Variants in PODN observed in about 807,000 individuals in gnomAD.
The protein encoded by PODN is podocan, also known as podocan proteoglycan.
In PODN, 40 loss-of-function variants were observed where a neutral mutation model predicts 52.7. The observed-to-expected ratio is 0.76, with a 90% CI of 0.59 to 0.99. PODN has a LOEUF of 0.99. PODN is among the 50% of genes least tolerant of loss of function. PODN has a pLI of 0.00. For missense variants in PODN, 720 were observed against 815.1 expected (o/e 0.88, Z 1.42); for synonymous variants, 396 against 377.9 (o/e 1.05, Z -0.56).
Position 53,083,893 on chromosome 1 carries a change from C to T in PODN, c.*28-620C>T, listed in dbSNP as rs185796767. ...CAGGCTGGGGGTCACAGGGCCAGGA[C>T]GTAGCCGTGGGAGGGGCTGCCGGGC... On this transcript the variant is annotated intron_variant, in intron 10 of 10. Coordinates refer to ENST00000312553, the MANE Select transcript of PODN (RefSeq NM_153703.5). Among the ~76,000 whole-genome samples, 373 of 152,156 alleles carry T rather than the reference C, an allele frequency of 2.5e-3. 1 individual carries two copies. Among genetic ancestry groups the T allele is most frequent in the Middle Eastern group, 0.017 (5 of 294 alleles).
chr1:53,078,987 G>T lies in PODN; in HGVS notation c.1477G>T (p.Gly493Cys). 6.4e-7 allele frequency: 1 copy of T among 1,567,982 alleles called. No individual in the cohort carries two copies. Residue 493 changes from glycine (G) to cysteine (C), a missense_variant, in exon 8 of 11, where the codon GGC becomes TGC. Physicochemically the swap from Gly to Cys is radical, Grantham distance 159 (BLOSUM62 -3). Coordinates refer to ENST00000312553, the MANE Select transcript of PODN (RefSeq NM_153703.5). Reference protein sequence around the residue: ...TSNRLRSRALGPRAWVDLAHL... With the variant: ...TSNRLRSRALCPRAWVDLAHL... ...CAACCGACTGCGCAGCCGAGCCCTGGGCCCCCGTGCCTGGGTGGACCTCGC... is the reference window on the plus strand; with the variant it reads ...CAACCGACTGCGCAGCCGAGCCCTGTGCCCCCGTGCCTGGGTGGACCTCGC...
chr1:53,080,767 G>A lies in PODN; in HGVS notation c.1552G>A (p.Glu518Lys), dbSNP rs754088528. The change falls in exon 9 of 11, where the codon GAG becomes AAG. Residue 518 changes from glutamate (E) to lysine (K), a missense_variant. Coordinates refer to ENST00000312553, the MANE Select transcript of PODN (RefSeq NM_153703.5). ...IAGNQLTEIP[E>K]GLPESLEYLY... is the part of the protein sequence containing the mutation. ...CGGGAATCAGCTCACAGAGATCCCC[G>A]AGGGGCTCCCCGAGTCACTTGAGTA... is the stretch of plus-strand genomic sequence containing the variant. The A allele has an allele frequency of 6.8e-6, 11 of 1,613,994 alleles. No homozygotes were observed. Among genetic ancestry groups the A allele is most frequent in the South Asian group, 4.4e-5 (4 of 91,084 alleles).
rs1048949981 is a variant in PODN, at chr1:53,082,142, A to G, written c.1823A>G (p.Glu608Gly). 4 of 1,610,746 alleles carry G rather than the reference A, an allele frequency of 2.5e-6. No individual in the cohort carries two copies. The African/African-American group carries it at 4.0e-5, about 16-fold the overall frequency. The change falls in exon 10 of 11, where the codon GAG becomes GGG. Residue 608 changes from glutamate to glycine, a missense_variant. Coordinates refer to ENST00000312553, the MANE Select transcript of PODN (RefSeq NM_153703.5). Reference sequence around the variant, plus strand: ...GAGGAGGAGGAAGAGGAGGAGGAGGAGGAAGAGGAAACAAGATAGTGACAA... The same window carrying G: ...GAGGAGGAGGAAGAGGAGGAGGAGGGGGAAGAGGAAACAAGATAGTGACAA... ...EKEEEEEEEE[E>G]EEETR
rs762784354 is a variant in PODN, at chr1:53,070,008, G to A, written c.153G>A (p.Val51=). 2.3e-5 allele frequency: 37 copies of A among 1,612,736 alleles called. No homozygotes were observed. The highest frequency in any genetic ancestry group is 3.1e-5 in the Non-Finnish European group (37 of 1,179,844). The change falls in exon 2 of 11, where the codon GTG becomes GTA. Residue 51 remains valine, a synonymous_variant. Coordinates refer to ENST00000312553, the MANE Select transcript of PODN (RefSeq NM_153703.5). The stretch of plus-strand genomic sequence containing the variant: ...ACGAATTTGCGGAGGAGGAGCCGGT[G>A]CTGGTACTGAGCCCTGAGGAGCCCG... ...EENEFAEEEP[V]LVLSPEEPGP...
At position 53,070,045 on chromosome 1, in the gene PODN, G is replaced by A. The variant is rs780193413; in HGVS notation, c.190G>A (p.Ala64Thr). The A allele has an allele frequency of 6.2e-7, 1 of 1,612,986 alleles. No homozygotes were observed. Residue 64 changes from alanine (A) to threonine (T), a missense_variant, in exon 2 of 11, where the codon GCC (alanine) becomes ACC (threonine). Transcript: ENST00000312553. ...LSPEEPGPGP[A>T]AVSCPRDCAC... ...CCCTGAGGAGCCCGGGCCTGGCCCA[G>A]CCGCGGTCAGCTGCCCCCGAGACTG...
intron 6 of PODN, among the ~76,000 whole-genome samples, 167 bp downstream of exon 6, chr1:53,077,513 G>A (rs951739943): frequency 6.6e-6 from 1 of 152,162 alleles, no homozygotes; most frequent in East Asian, 1.9e-4. Flanking sequence ...GCAGAAACCC[G>A]GGCACCTGGC....
intron 8 of PODN, among the ~76,000 whole-genome samples, chr1:53,080,415 A>T (rs1306215018): frequency 1.3e-5 from 2 of 152,220 alleles, no homozygotes; most frequent in Admixed American, 1.3e-4. Flanking sequence ...TGTGACACCC[A>T]AACATCTTGG....
chr1:53,066,394 G>A (rs1644033557), intron 1 of PODN, among the ~76,000 whole-genome samples: 2 of 152,136 alleles, frequency 1.3e-5, no homozygotes, highest in Admixed American at 1.3e-4. Context: ...GGGATTTGAT[G>A]TCATTAATAT....
At chr1:53,063,602 CA>C (rs1200657208) in intron 1 of PODN, 1 of 984,314 alleles carries the variant, frequency 1.0e-6, no homozygotes, top group East Asian at 1.1e-4. Context: ...TGGGAAAGAC[CA>C]GGGGGGACTG....
At chr1:53,080,546 C>A in intron 8 of PODN, 182 bp from the exon 9 acceptor site, 1 of 633,784 alleles carries the variant, frequency 1.6e-6, no homozygotes, top group Non-Finnish European at 2.6e-6. Context: ...TTGGAAAGAT[C>A]ACTTAACCTC....
At chr1:53,070,267 C>G in intron 2 of PODN, 100 bp downstream of exon 2, 1 of 1,547,512 alleles carries the variant, frequency 6.5e-7, no homozygotes, top group Non-Finnish European at 8.7e-7. Flanking sequence ...TCACCCAGAA[C>G]CTCCAATATG....
chr1:53,077,874 C>A, intron 7 of PODN, 74 bp downstream of exon 7: 1 of 1,217,346 alleles, frequency 8.2e-7, no homozygotes, highest in Non-Finnish European at 1.2e-6. Context: ...AACCATCCAG[C>A]CCAGCCCAGC....
intron 1 of PODN, among the ~76,000 whole-genome samples, chr1:53,066,397 A>G (rs958809623): frequency 2.0e-5 from 3 of 152,228 alleles, no homozygotes; most frequent in African/African-American, 7.2e-5. Context: ...ATTTGATGTC[A>G]TTAATATTAA....
chr1:53,063,610 A>G, intron 1 of PODN: 1 of 979,744 alleles, frequency 1.0e-6, no homozygotes, highest in Non-Finnish European at 1.2e-6. Flanking sequence ...ACCAGGGGGG[A>G]CTGCTCTGGG....
Position 53,082,039 on chromosome 1 carries a change from C to T in PODN, c.1720C>T (p.Leu574=), listed in dbSNP as rs372944903. The T allele has an allele frequency of 3.1e-6, 5 of 1,613,760 alleles. No homozygotes were observed. Among genetic ancestry groups the T allele is most frequent in the Admixed American group, 3.3e-5 (2 of 59,982 alleles). The change falls in exon 10 of 11, where the codon CTG becomes TTG. Residue 574 remains leucine (L), a synonymous_variant. Transcript: ENST00000312553. ...CAGTGCCTTCCGGAGGCTGAAGCAC[C>T]TGCAGGTCTTGGACATTGAAGGCAA... ...VDSAFRRLKH[L]QVLDIEGNLE... is the part of the protein sequence containing the mutation.
Position 53,066,978 on chromosome 1 carries a change from A to C in PODN, c.-55-2823A>C, listed in dbSNP as rs571564677. 24 of 1,123,580 alleles carry C rather than the reference A, an allele frequency of 2.1e-5. No homozygotes were observed. The African/African-American group carries it at 3.8e-4, about 18-fold the overall frequency. The allele number at this position is 1,123,580 out of a possible 1,614,324, so 69.6% of individuals were successfully genotyped here. On this transcript the variant is annotated intron_variant, in intron 1 of 10. Coordinates refer to ENST00000312553, the MANE Select transcript of PODN (RefSeq NM_153703.5). ...GGCCTGTGCCCACACTCTCGCTCTT[A>C]GAACCCCGGACTACAGTGGGGTCAG...
chr1:53,074,491 C>A, intron 3 of PODN, 115 bp from the exon 4 acceptor site: 2 of 1,168,934 alleles, frequency 1.7e-6, no homozygotes, highest in South Asian at 1.3e-5. Context: ...GGGATCTGAG[C>A]TGCCTCTGCC....
intron 10 of PODN, among the ~76,000 whole-genome samples, chr1:53,083,607 A>G (rs1395037897): frequency 1.3e-5 from 2 of 152,216 alleles, no homozygotes; most frequent in East Asian, 3.9e-4. Context: ...GGTTCTCCGC[A>G]GACCAAAGGT....
In PODN at chr1:53,076,674, A is replaced by G. The variant is rs1007410256; in HGVS notation, c.582-516A>G. On this transcript the variant is annotated intron_variant, in intron 5 of 10. Coordinates refer to ENST00000312553, the MANE Select transcript of PODN (RefSeq NM_153703.5). ...TTATACACCTTTTATATATATATGC[A>G]TATATCTCTATTTAATATATTATAT... Among the ~76,000 whole-genome samples the G allele has an allele frequency of 4.0e-5, 6 of 151,106 alleles. No individual in the cohort carries two copies. In the East Asian group the frequency reaches 1.2e-3, roughly 29 times the overall value.
Sources: gnomAD v4.1 joint callset for allele counts (sites outside exome capture counted in the v4.1 genomes callset) on GRCh38, gnomAD v4.1.1 for gene constraint, MANE v1.5 for transcripts, NCBI Gene and HGNC (gene_info 2026-07-23, HGNC 2026-07-21) for gene names.